ANO7: variants seen among roughly 807,000 people sequenced by gnomAD.
ANO7 encodes anoctamin 7.
Under a neutral mutation model 115.8 loss-of-function variants are expected in ANO7, and 114 were observed. That is an observed-to-expected ratio of 0.98 (90% CI 0.85 to 1.15). ANO7 has a LOEUF of 1.15. Ranked by LOEUF, ANO7 falls within the 50% of genes most tolerant of loss-of-function variation. The pLI, the probability that ANO7 is intolerant of heterozygous loss-of-function variation, is 0.00. For missense variants in ANO7, 1,302 were observed against 1,201.2 expected (o/e 1.08, Z -1.24); for synonymous variants, 550 against 498.2 (o/e 1.10, Z -1.38).
chr2:241,236,580 T>C, the ANO7 span: 2 of 1,608,866 alleles, frequency 1.2e-6, no homozygotes, highest in Non-Finnish European at 1.7e-6. Flanking sequence ...GACTGGGCCT[T>C]GGCGGGGGGT....
Position 241,210,365 on chromosome 2 carries a change from G to C in ANO7, c.1430G>C (p.Arg477Thr), listed in dbSNP as rs1172655910. Reference sequence around the variant, plus strand: ...GCCATCATGGCCATCGTGGTGTCCAGGTCGGGCAACACCCTTCTCGCAGCC... The same window carrying C: ...GCCATCATGGCCATCGTGGTGTCCACGTCGGGCAACACCCTTCTCGCAGCC... Reference protein sequence around the residue: ...YRAIMAIVVSRSGNTLLAAWA... With the variant: ...YRAIMAIVVSTSGNTLLAAWA... The change falls in exon 14 of 25, where the codon AGG becomes ACG. Residue 477 changes from arginine to threonine, a missense_variant. Arg to Thr is a moderately conservative substitution (Grantham distance 71). Coordinates refer to ENST00000674324, the MANE Select transcript of ANO7 (RefSeq NM_001370694.2). 6.2e-7 allele frequency: 1 copy of C among 1,613,946 alleles called. No individual in the cohort carries two copies. Among genetic ancestry groups the C allele is most frequent in the African/African-American group, 1.3e-5 (1 of 74,946 alleles).
the ANO7 span, among the ~76,000 whole-genome samples, chr2:241,234,341 G>A: frequency 6.6e-6 from 1 of 152,164 alleles, no homozygotes; most frequent in Non-Finnish European, 1.5e-5. Flanking sequence ...TTTTAGGACT[G>A]GGGCAGATGC....
intron 3 of ANO7, among the ~76,000 whole-genome samples, chr2:241,194,839 C>T (rs2068285971): frequency 6.6e-6 from 1 of 152,134 alleles, no homozygotes; most frequent in Admixed American, 6.6e-5. Flanking sequence ...TTACTCTGCA[C>T]AGTTTCAGGC....
intron 13 of ANO7, among the ~76,000 whole-genome samples, chr2:241,210,075 G>A (rs1349792046): frequency 6.6e-6 from 1 of 152,212 alleles, no homozygotes; most frequent in Non-Finnish European, 1.5e-5. Context: ...CCCAGATGTG[G>A]CCCAGCCTCT....
chr2:241,234,065 T>C, the ANO7 span: 1 of 1,371,374 alleles, frequency 7.3e-7, no homozygotes, highest in Non-Finnish European at 1.0e-6. Flanking sequence ...GATGCTGCAG[T>C]GTTCTGTAAC....
chr2:241,193,344 A>G (rs1246418703), intron 3 of ANO7, among the ~76,000 whole-genome samples: 2 of 152,156 alleles, frequency 1.3e-5, no homozygotes, highest in Admixed American at 6.5e-5. Context: ...TGCTGGGATT[A>G]TAAGTGTGAG....
At position 241,201,333 on chromosome 2, in the gene ANO7, C is replaced by A. The variant is rs755605916; in HGVS notation, c.590C>A (p.Thr197Lys). 6.2e-7 allele frequency: 1 copy of A among 1,613,348 alleles called. No homozygotes were observed. The highest frequency in any genetic ancestry group is 1.7e-5 in the Admixed American group (1 of 59,912). The change falls in exon 7 of 25, where the codon ACA (threonine) becomes AAA (lysine). Residue 197 changes from threonine to lysine, a missense_variant. Physicochemically the swap from Thr to Lys is moderately conservative, Grantham distance 78. Coordinates refer to ENST00000674324, the MANE Select transcript of ANO7 (RefSeq NM_001370694.2). ...AGTGACAACCAGGACACCTTCTTCA[C>A]AAGCACCAAGAGGCACCAAATTGTG... ...LGSDNQDTFF[T>K]STKRHQILFE...
At chr2:241,195,401 G>C (rs1430664318) in intron 3 of ANO7, among the ~76,000 whole-genome samples, 1 of 152,206 alleles carries the variant, frequency 6.6e-6, no homozygotes, top group Non-Finnish European at 1.5e-5. Context: ...ACCCCTGTAG[G>C]AGTCTGGGAC....
intron 2 of ANO7, 135 bp from the exon 3 acceptor site, chr2:241,191,048 GAACATTCTTCT>G: frequency 1.1e-6 from 1 of 911,462 alleles, no homozygotes; most frequent in Non-Finnish European, 1.7e-6. Context: ...CCCACCCGCC[GAACATTCTTCT>G]GTGGTCCTGA....
At chr2:241,229,369 C>T (rs139790495), downstream of ANO7, 94 of 469,136 alleles carry the variant, frequency 2.0e-4, no homozygotes, top group African/African-American at 1.5e-3. Context: ...AGCACGAATG[C>T]TCATGACCTT....
At chr2:241,206,621 G>A (rs1318725272) in intron 10 of ANO7, among the ~76,000 whole-genome samples, 3 of 50,932 alleles carry the variant, frequency 5.9e-5, no homozygotes, top group East Asian at 1.4e-3. Flanking sequence ...CAGGCTGACA[G>A]GTGGACAGGA....
downstream of ANO7, chr2:241,228,902 C>T (rs953528451): frequency 3.3e-5 from 5 of 152,790 alleles, no homozygotes; most frequent in African/African-American, 4.8e-5. Context: ...CACCTTGCCT[C>T]CAGGCTCCAC....
chr2:241,235,484 G>A, the ANO7 span: 7 of 1,608,814 alleles, frequency 4.4e-6, no homozygotes, highest in Admixed American at 1.2e-4. Context: ...CGGGAAAGGG[G>A]TCTACCTCAA....
chr2:241,236,903 C>CA, the ANO7 span: 1 of 802,090 alleles, frequency 1.2e-6, no homozygotes, highest in Non-Finnish European at 1.9e-6. Context: ...TCCTGTCCTT[C>CA]AGGAGGTCTT....
intron 17 of ANO7, 162 bp downstream of exon 17, chr2:241,212,788 C>T: frequency 1.4e-6 from 1 of 707,246 alleles, no homozygotes; most frequent in Non-Finnish European, 2.4e-6. Flanking sequence ...GGCTCCCAGC[C>T]TCTCTTCACC....
At chr2:241,205,058 G>T in intron 10 of ANO7, 103 bp downstream of exon 10, 1 of 950,996 alleles carries the variant, frequency 1.1e-6, no homozygotes. Context: ...GACAGCTGGT[G>T]CTTGAGGTGA....
chr2:241,194,557 A>T (rs953077111), intron 3 of ANO7, among the ~76,000 whole-genome samples: 1 of 152,006 alleles, frequency 6.6e-6, no homozygotes, highest in African/African-American at 2.4e-5. Context: ...TGACCTCGTG[A>T]TCCACCTGCC....
chr2:241,218,217 C>T lies in ANO7; in HGVS notation c.2179-22C>T, dbSNP rs761236903. ...CAGGGGCGGAGCGGGGGCCGCCTCG[C>T]GCTGACCCCTCCGGCGCCCAGGCCT... is the stretch of plus-strand genomic sequence containing the variant. On this transcript the variant is annotated intron_variant, in intron 20 of 24. Transcript: ENST00000674324. 18 of 1,422,030 alleles carry T rather than the reference C, an allele frequency of 1.3e-5. No homozygotes were observed. The East Asian group carries it at 4.6e-4, about 36-fold the overall frequency. 88.1% of individuals were successfully genotyped at this position (1,422,030 alleles called of 1,614,324 possible).
chr2:241,217,425 TC>T (rs2068857314), intron 19 of ANO7, among the ~76,000 whole-genome samples: 1 of 152,162 alleles, frequency 6.6e-6, no homozygotes, highest in Non-Finnish European at 1.5e-5. Context: ...CTGAGTTAGT[TC>T]CTGAGCTCAC....
Sources: gnomAD v4.1 joint callset for allele counts (sites outside exome capture counted in the v4.1 genomes callset) on GRCh38, gnomAD v4.1.1 for gene constraint, MANE v1.5 for transcripts, NCBI Gene and HGNC (gene_info 2026-07-23, HGNC 2026-07-21) for gene names.